DIAPH2: variants seen among roughly 807,000 people sequenced by gnomAD.
DIAPH2 encodes protein diaphanous homolog 2.
In DIAPH2, 35 loss-of-function variants were observed where a neutral mutation model predicts 92.7. The ratio of observed to expected loss-of-function variants is 0.38; its 90% CI spans 0.29 to 0.50. The LOEUF (loss-of-function observed/expected upper bound fraction) is 0.50. Ranked by LOEUF, DIAPH2 falls within the 20% of genes least tolerant of loss-of-function variation. The probability of loss-of-function intolerance (pLI) is 0.94; values close to 1 mark genes in which losing one functional copy is unlikely to be tolerated. For synonymous variants in DIAPH2, 301 were observed against 280.4 expected (o/e 1.07, Z -0.73); for missense variants, 701 against 819.5 (o/e 0.86, Z 1.77).
intron 17 of DIAPH2, among the ~76,000 whole-genome samples, chrX:97,067,778 AGCT>A (rs947019672): frequency 8.9e-6 from 1 of 112,029 alleles, no homozygotes; most frequent in African/African-American, 3.2e-5. Context: ...TGAAATATAT[AGCT>A]GTAATACAAT....
chrX:96,814,744 A>T (rs1477374103), intron 4 of DIAPH2, among the ~76,000 whole-genome samples: 4 of 111,766 alleles, frequency 3.6e-5, no homozygotes, highest in African/African-American at 1.3e-4. Context: ...TGTTGATGCT[A>T]TTCCTTTCTT....
intron 26 of DIAPH2, among the ~76,000 whole-genome samples, chrX:97,554,552 G>A (rs919912958): frequency 4.5e-5 from 5 of 111,708 alleles, no homozygotes; most frequent in Admixed American, 3.8e-4. Context: ...AATGAGAAAG[G>A]CTAAAGACCT....
intron 22 of DIAPH2, among the ~76,000 whole-genome samples, chrX:97,162,417 A>C (rs1283256741): frequency 1.8e-5 from 2 of 112,161 alleles, no homozygotes; most frequent in Non-Finnish European, 3.8e-5. Flanking sequence ...GAATGAGTTT[A>C]GAATAGTACC....
rs771582411 is a variant in DIAPH2, at chrX:96,913,997, T to C, written c.732+1445T>C. ...ATTTTAATAATCTCAAAATAGATAA[T>C]AGAAATAATTACAACAACAAGTAGA... is the stretch of plus-strand genomic sequence containing the variant. On this transcript the variant is annotated intron_variant, in intron 7 of 26. Transcript: ENST00000324765. Among the ~76,000 whole-genome samples, 517 of 110,663 alleles carry C rather than the reference T, an allele frequency of 4.7e-3. 3 individuals are homozygous for C. Among genetic ancestry groups the C allele is most frequent in the Non-Finnish European group, 7.8e-3 (411 of 52,618 alleles).
chrX:97,450,856 A>G (rs1383220351), intron 26 of DIAPH2, among the ~76,000 whole-genome samples: 1 of 106,280 alleles, frequency 9.4e-6, no homozygotes, highest in Non-Finnish European at 1.9e-5. Context: ...TTTAAGTCAC[A>G]GGATAAGCCT....
chrX:97,415,215 G>T (rs2069929938), intron 25 of DIAPH2, among the ~76,000 whole-genome samples: 1 of 112,039 alleles, frequency 8.9e-6, no homozygotes, highest in Non-Finnish European at 1.9e-5. Context: ...AGATACTGGA[G>T]AGGATGTGGA....
At chrX:97,580,760 G>C (rs1487142696) in intron 26 of DIAPH2, among the ~76,000 whole-genome samples, 1 of 109,951 alleles carries the variant, frequency 9.1e-6, no homozygotes, top group Non-Finnish European at 1.9e-5. Flanking sequence ...GTTCCTCCTT[G>C]TACCTCTGGT....
intron 23 of DIAPH2, among the ~76,000 whole-genome samples, chrX:97,277,691 T>G (rs775553775): frequency 1.1e-4 from 12 of 111,999 alleles, no homozygotes; most frequent in African/African-American, 3.9e-4. Context: ...ATTTGGGAGC[T>G]ATCCTTATGC....
chrX:97,377,754 G>C (rs962429258), intron 24 of DIAPH2, among the ~76,000 whole-genome samples: 3 of 111,209 alleles, frequency 2.7e-5, no homozygotes, highest in African/African-American at 9.8e-5. Flanking sequence ...TCCATATAAA[G>C]AGGACAATTT....
chrX:97,268,841 T>C (rs1452421940), intron 23 of DIAPH2, among the ~76,000 whole-genome samples: 4 of 108,306 alleles, frequency 3.7e-5, no homozygotes, highest in Non-Finnish European at 5.7e-5. Flanking sequence ...CTGTTCTTTT[T>C]TTTTTCTTTT....
At chrX:97,276,642 G>A (rs942687920) in intron 23 of DIAPH2, among the ~76,000 whole-genome samples, 1 of 112,018 alleles carries the variant, frequency 8.9e-6, no homozygotes, top group Admixed American at 9.5e-5. Flanking sequence ...ATTCTAGGCA[G>A]CATTTATCAA....
chrX:97,147,390 G>A (rs891980542), intron 22 of DIAPH2, among the ~76,000 whole-genome samples: 2 of 109,502 alleles, frequency 1.8e-5, no homozygotes, highest in African/African-American at 6.6e-5. Context: ...ATATATGTAT[G>A]TATATGTACA....
In DIAPH2 at chrX:97,121,230, A is replaced by C. The variant is rs142082364; in HGVS notation, c.2589+6265A>C. 4.5e-3 allele frequency among the ~76,000 whole-genome samples: 502 copies of C among 112,162 alleles called. 6 individuals are homozygous for C. Among genetic ancestry groups the C allele is most frequent in the African/African-American group, 0.015 (478 of 30,921 alleles). On this transcript the variant is annotated intron_variant, in intron 21 of 26. Coordinates refer to ENST00000324765, the MANE Select transcript of DIAPH2 (RefSeq NM_006729.5). ...CTTGGACTGACATAACAGAAACCAA[A>C]GGCTGAGTGGCTTAAAGAGGAGAAA...
intron 22 of DIAPH2, among the ~76,000 whole-genome samples, chrX:97,185,351 ATG>A (rs376783924): frequency 0.063 from 128 of 2,022 alleles, 19 homozygotes; most frequent in East Asian, 0.23. Context: ...GTATATATAT[ATG>A]TGTGTATATA....
At chrX:97,486,428 A>G (rs891550469) in intron 26 of DIAPH2, among the ~76,000 whole-genome samples, 2 of 111,875 alleles carry the variant, frequency 1.8e-5, no homozygotes, top group African/African-American at 3.2e-5. Context: ...AAGAGCTATA[A>G]GAAATGAAAG....
At chrX:96,800,431 C>T (rs1427524199) in intron 4 of DIAPH2, among the ~76,000 whole-genome samples, 2 of 111,816 alleles carry the variant, frequency 1.8e-5, no homozygotes, top group African/African-American at 3.3e-5. Flanking sequence ...TTCATCAGAA[C>T]GATGGGTTAC....
intron 17 of DIAPH2, among the ~76,000 whole-genome samples, chrX:97,028,809 G>A (rs1377405023): frequency 9.0e-6 from 1 of 111,566 alleles, no homozygotes; most frequent in East Asian, 2.8e-4. Context: ...AATTCTACTG[G>A]GCATGTATCG....
chrX:96,952,588 A>C (rs191302186), intron 15 of DIAPH2, among the ~76,000 whole-genome samples: 1 of 109,853 alleles, frequency 9.1e-6, no homozygotes, highest in Admixed American at 9.7e-5. Context: ...ACAAAAAATT[A>C]GCCGGGAGTG....
intron 4 of DIAPH2, among the ~76,000 whole-genome samples, chrX:96,834,579 C>T (rs903339679): frequency 9.0e-6 from 1 of 111,725 alleles, no homozygotes; most frequent in Non-Finnish European, 1.9e-5. Flanking sequence ...AAAATAGGAA[C>T]TAATATACAA....
Sources: allele counts gnomAD v4.1 joint callset (sites outside exome capture counted in the v4.1 genomes callset), GRCh38; gene constraint gnomAD v4.1.1; transcripts MANE v1.5; gene names NCBI Gene and HGNC (gene_info 2026-07-23, HGNC 2026-07-21).